Variants in RYR3 observed in about 807,000 individuals in gnomAD.
RYR3 encodes ryanodine receptor 3.
In RYR3, 207 loss-of-function variants were observed where a neutral mutation model predicts 584.3. The observed-to-expected ratio is 0.35, with a 90% confidence interval of 0.32 to 0.40. The LOEUF (loss-of-function observed/expected upper bound fraction) is 0.40. Ranked by LOEUF, RYR3 falls within the 10% of genes least tolerant of loss-of-function variation. The probability of loss-of-function intolerance (pLI) is 1.00; values close to 1 mark genes in which losing one functional copy is unlikely to be tolerated. For missense variants in RYR3, 5,616 were observed against 6,089.2 expected (o/e 0.92, Z 2.59); for synonymous variants, 2,416 against 2,248.5 (o/e 1.07, Z -2.11).
chr15:33,861,303 C>G (rs1888108704), intron 102 of RYR3, 125 bp downstream of exon 102: 1 of 624,064 alleles, frequency 1.6e-6, no homozygotes, highest in African/African-American at 1.8e-5. Flanking sequence ...TCCCCATGAG[C>G]CTGTACCTTT....
intron 4 of RYR3, 84 bp downstream of exon 4, chr15:33,530,750 A>G (rs1012545620): frequency 2.4e-5 from 24 of 983,022 alleles, no homozygotes; most frequent in Non-Finnish European, 3.4e-5. Flanking sequence ...AGCAATAACA[A>G]CGTAACAGCA....
At chr15:33,789,386 C>T (rs910273010) in intron 67 of RYR3, among the ~76,000 whole-genome samples, 1 of 151,106 alleles carries the variant, frequency 6.6e-6, no homozygotes. Flanking sequence ...GGAGGTTCTC[C>T]ATGATCCAGG....
chr15:33,632,560 A>G (rs772677186), intron 23 of RYR3, among the ~76,000 whole-genome samples: 2 of 152,250 alleles, frequency 1.3e-5, no homozygotes, highest in East Asian at 3.8e-4. Flanking sequence ...ATTTGACTCA[A>G]GGTCTTGTTC....
rs972063350 is a variant in RYR3, at chr15:33,756,248, T to C, written c.8516-58T>C. On this transcript the variant is annotated intron_variant, in intron 58 of 103. Transcript: ENST00000634891. ...AAAAGCTGCTCTGTTTCTAAAATGT[T>C]GTGACTGATTTTTACTTCGTAACTC... is the stretch of plus-strand genomic sequence containing the variant. 5 of 1,166,494 alleles carry C rather than the reference T, an allele frequency of 4.3e-6. No individual in the cohort carries two copies. In the Admixed American group the frequency reaches 5.9e-5, roughly 14 times the overall value. 72.3% of individuals were successfully genotyped at this position (1,166,494 alleles called of 1,614,324 possible).
intron 9 of RYR3, among the ~76,000 whole-genome samples, chr15:33,549,253 G>A (rs1421547471): frequency 6.6e-6 from 1 of 152,098 alleles, no homozygotes; most frequent in African/African-American, 2.4e-5. Flanking sequence ...TTTTTAAGAG[G>A]TCAAAATAAG....
intron 98 of RYR3, chr15:33,856,348 T>C (rs1357575731): frequency 6.6e-6 from 1 of 152,308 alleles, no homozygotes; most frequent in Non-Finnish European, 1.5e-5. Context: ...AAGGCAAAGC[T>C]CTGATCCTGT....
chr15:33,836,146 T>C (rs900655502), intron 87 of RYR3, among the ~76,000 whole-genome samples: 36 of 150,664 alleles, frequency 2.4e-4, no homozygotes, highest in Non-Finnish European at 2.2e-4. Context: ...CTTTTTTCTT[T>C]TCTTTTCTTT....
Position 33,750,231 on chromosome 15 carries a change from G to C in RYR3, c.8344G>C (p.Glu2782Gln). ...TGCCAAGGAAAAGTTCAAGGACCGGGAGAAGGCACAGGACCTGTTTAAGTT... is the reference window on the plus strand; with the variant it reads ...TGCCAAGGAAAAGTTCAAGGACCGGCAGAAGGCACAGGACCTGTTTAAGTT... ...LTAKEKFKDR[E>Q]KAQDLFKFLQ... is the part of the protein sequence containing the mutation. The change falls in exon 57 of 104, where the codon GAG (glutamate) becomes CAG (glutamine). Residue 2782 changes from glutamate (E) to glutamine (Q), a missense_variant. By Grantham distance (29) the Glu-to-Gln change is conservative. This residue lies in a region of RYR3 where 1,280 missense variants were observed against 1,426.2 expected (regional missense o/e 0.90). Coordinates refer to ENST00000634891, the MANE Select transcript of RYR3 (RefSeq NM_001036.6). The C allele has an allele frequency of 6.8e-6, 11 of 1,610,184 alleles. No individual in the cohort carries two copies. Among genetic ancestry groups the C allele is most frequent in the Non-Finnish European group, 9.3e-6 (11 of 1,178,266 alleles).
At chr15:33,441,541 C>G (rs1333878845) in intron 1 of RYR3, among the ~76,000 whole-genome samples, 2 of 151,668 alleles carry the variant, frequency 1.3e-5, no homozygotes, top group African/African-American at 4.9e-5. Flanking sequence ...GGTCTTATAG[C>G]TGGTAGAAGT....
intron 70 of RYR3, 139 bp from the exon 71 acceptor site, chr15:33,810,340 T>C: frequency 1.3e-6 from 1 of 756,346 alleles, no homozygotes; most frequent in Non-Finnish European, 2.1e-6. Context: ...CAACACACTC[T>C]TTTCACTGTC....
intron 12 of RYR3, among the ~76,000 whole-genome samples, chr15:33,569,258 G>A (rs2057889531): frequency 6.6e-6 from 1 of 152,004 alleles, no homozygotes; most frequent in Admixed American, 6.6e-5. Context: ...ATAACTTTTT[G>A]TTGTATTTTT....
intron 1 of RYR3, among the ~76,000 whole-genome samples, chr15:33,367,095 A>C (rs1354763727): frequency 6.6e-6 from 1 of 152,194 alleles, no homozygotes; most frequent in East Asian, 1.9e-4. Context: ...ACAAATTACA[A>C]AGCCTATTTT....
In RYR3 at chr15:33,445,664, AACACACAC is replaced by A. The variant is rs61585713; in HGVS notation, c.52-27712_52-27705del. Among the ~76,000 whole-genome samples the A allele has an allele frequency of 8.9e-3, 945 of 106,028 alleles. 12 individuals carry two copies. Among genetic ancestry groups the A allele is most frequent in the Middle Eastern group, 0.024 (4 of 168 alleles). 69.6% of individuals were successfully genotyped at this position (106,028 alleles called of 152,430 possible). A position where few individuals can be genotyped will look rare whatever the true frequency, so the allele number is the denominator to read the frequency against. On this transcript the variant is annotated intron_variant, in intron 1 of 103. Coordinates refer to ENST00000634891, the MANE Select transcript of RYR3 (RefSeq NM_001036.6). Reference sequence around the variant, plus strand: ...AATAAATACCACCCTTTCCCCCACCAACACACACACACACACACACACACACACACACA... The same window carrying A: ...AATAAATACCACCCTTTCCCCCACCAACACACACACACACACACACACACA...
At chr15:33,804,147 G>C (rs1201148232) in intron 69 of RYR3, among the ~76,000 whole-genome samples, 1 of 152,218 alleles carries the variant, frequency 6.6e-6, no homozygotes, top group Non-Finnish European at 1.5e-5. Flanking sequence ...TTTTCAGAAA[G>C]TGGTCTTCTT....
intron 1 of RYR3, among the ~76,000 whole-genome samples, chr15:33,445,259 G>A (rs937029582): frequency 4.6e-5 from 7 of 152,106 alleles, no homozygotes; most frequent in African/African-American, 7.2e-5. Flanking sequence ...GATATGTCTT[G>A]GAGTTGGCGG....
intron 81 of RYR3, among the ~76,000 whole-genome samples, chr15:33,825,374 T>G (rs2077322501): frequency 6.6e-6 from 1 of 152,188 alleles, no homozygotes; most frequent in South Asian, 2.1e-4. Flanking sequence ...TAAGTGTTCA[T>G]GACCCCTCTA....
At chr15:33,723,419 A>G (rs2068097021) in intron 44 of RYR3, among the ~76,000 whole-genome samples, 1 of 152,236 alleles carries the variant, frequency 6.6e-6, no homozygotes, top group South Asian at 2.1e-4. Context: ...TAATGTTGTT[A>G]TTTAAATGTT....
intron 88 of RYR3, 94 bp from the exon 89 acceptor site, chr15:33,837,537 G>A (rs2078122460): frequency 7.3e-7 from 1 of 1,366,564 alleles, no homozygotes; most frequent in African/African-American, 1.5e-5. Flanking sequence ...GACTAATTTG[G>A]CACAAAAGTC....
At chr15:33,769,855 G>A (rs1475406579) in intron 62 of RYR3, among the ~76,000 whole-genome samples, 7 of 152,092 alleles carry the variant, frequency 4.6e-5, no homozygotes, top group Admixed American at 4.6e-4. Flanking sequence ...TGGCTGAGGT[G>A]GGAGGATGGC....
Sources: allele counts gnomAD v4.1 joint callset (sites outside exome capture counted in the v4.1 genomes callset), GRCh38; gene constraint gnomAD v4.1.1; regional missense constraint gnomAD v4.1.1; transcripts MANE v1.5; gene names NCBI Gene and HGNC (gene_info 2026-07-23, HGNC 2026-07-21).